DISC1: variants seen among roughly 807,000 people sequenced by gnomAD.
The protein encoded by DISC1 is disrupted in schizophrenia 1 protein.
In DISC1, 57 loss-of-function variants were observed where a neutral mutation model predicts 84.5. The ratio of observed to expected loss-of-function variants is 0.67; its 90% CI spans 0.55 to 0.84. DISC1 has a LOEUF of 0.84. Among genes scored for constraint, DISC1 ranks in the 40% least tolerant of loss-of-function variants. The pLI is 0.00. For missense variants in DISC1, 1,000 were observed against 1,057.8 expected (o/e 0.95, Z 0.76); for synonymous variants, 411 against 415.2 (o/e 0.99, Z 0.12).
intron 1 of DISC1, among the ~76,000 whole-genome samples, chr1:231,666,923 C>T (rs1018094710): frequency 1.3e-5 from 2 of 152,132 alleles, no homozygotes; most frequent in Admixed American, 1.3e-4. Context: ...AATGGCAGTG[C>T]CTCAAACCCT....
At chr1:231,732,261 C>T (rs972994071) in intron 3 of DISC1, among the ~76,000 whole-genome samples, 1 of 152,178 alleles carries the variant, frequency 6.6e-6, no homozygotes, top group Non-Finnish European at 1.5e-5. Flanking sequence ...GTTTCTCATA[C>T]ATCGCATCAT....
At position 231,770,798 on chromosome 1, in the gene DISC1, G is replaced by T. The variant is rs527456064; in HGVS notation, c.1399-37G>T. 8.1e-6 allele frequency: 13 copies of T among 1,601,604 alleles called. No individual in the cohort carries two copies. The East Asian group carries it at 2.5e-4, about 30-fold the overall frequency. On this transcript the variant is annotated intron_variant, in intron 5 of 12. Transcript: ENST00000439617. ...CTCAGAGCAGTTTGCCATGAGCAGG[G>T]TTAATTTATAAAATCTTGTCTCCTC...
intron 1 of DISC1, among the ~76,000 whole-genome samples, chr1:231,670,328 A>G (rs1290165621): frequency 6.6e-6 from 1 of 152,184 alleles, no homozygotes; most frequent in African/African-American, 2.4e-5. Flanking sequence ...GTTTACCTAC[A>G]TGCCCCTGAA....
rs540640433 is a variant in DISC1 at position 231,934,107 on chromosome 1, T to C, written c.1982-24721T>C. On this transcript the variant is annotated intron_variant, in intron 9 of 12. Coordinates refer to ENST00000439617, the MANE Select transcript of DISC1 (RefSeq NM_018662.3). Reference sequence around the variant, plus strand: ...AAGGAAGGGCAGAGGGAGTCAACAATGAAGAAAGTGGGAAGAGGGAGGGAG... The same window carrying C: ...AAGGAAGGGCAGAGGGAGTCAACAACGAAGAAAGTGGGAAGAGGGAGGGAG... 3.3e-5 allele frequency among the ~76,000 whole-genome samples: 5 copies of C among 152,028 alleles called. No individual in the cohort carries two copies. In the South Asian group the frequency reaches 8.3e-4, roughly 25 times the overall value.
chr1:231,975,974 C>A (rs1210326996), intron 10 of DISC1, among the ~76,000 whole-genome samples: 1 of 152,172 alleles, frequency 6.6e-6, no homozygotes, highest in Admixed American at 6.5e-5. Flanking sequence ...TACATTTATT[C>A]AAATAGAAAA....
rs538943957 is a variant in DISC1, at chr1:231,855,374, C to G, written c.1981+36857C>G. 3 of 984,364 alleles carry G rather than the reference C, an allele frequency of 3.0e-6. No homozygotes were observed. In the East Asian group the frequency reaches 3.4e-4, roughly 112 times the overall value. 61.0% of individuals were successfully genotyped at this position (984,364 alleles called of 1,614,324 possible). A position where few individuals can be genotyped will look rare whatever the true frequency, so the allele number is the denominator to read the frequency against. On this transcript the variant is annotated intron_variant, in intron 9 of 12. Coordinates refer to ENST00000439617, the MANE Select transcript of DISC1 (RefSeq NM_018662.3). Reference sequence around the variant, plus strand: ...ACATTAAAAAGACAAAAATAACTTTCCATAAATGAGCTCAAGTTATTTCAT... The same window carrying G: ...ACATTAAAAAGACAAAAATAACTTTGCATAAATGAGCTCAAGTTATTTCAT...
At position 231,639,127 on chromosome 1, in the gene DISC1, C is replaced by T. The variant is rs116628278; in HGVS notation, c.67+12193C>T. Among the ~76,000 whole-genome samples, 956 of 152,148 alleles carry T rather than the reference C, an allele frequency of 6.3e-3. 8 individuals carry two copies. The highest frequency in any genetic ancestry group is 0.022 in the African/African-American group (909 of 41,516). On this transcript the variant is annotated intron_variant, in intron 1 of 12. Coordinates refer to ENST00000439617, the MANE Select transcript of DISC1 (RefSeq NM_018662.3). ...ACATCACAGGGAGAGGATTAGGTAA[C>T]GGTTGGGTTAGAAAGAGGAGCACAA...
At chr1:232,014,777 G>A (rs377452020) in intron 11 of DISC1, among the ~76,000 whole-genome samples, 2 of 152,134 alleles carry the variant, frequency 1.3e-5, no homozygotes, top group East Asian at 3.8e-4. Context: ...AAGTGGGCTG[G>A]AAACGTTAAG....
intron 9 of DISC1, among the ~76,000 whole-genome samples, chr1:231,876,611 G>A (rs1221074816): frequency 2.0e-5 from 3 of 152,146 alleles, no homozygotes; most frequent in Non-Finnish European, 2.9e-5. Context: ...CCACTGACCC[G>A]TGATAGTTGC....
chr1:231,978,286 A>T (rs1663100995), intron 10 of DISC1, among the ~76,000 whole-genome samples: 1 of 152,160 alleles, frequency 6.6e-6, no homozygotes, highest in African/African-American at 2.4e-5. Flanking sequence ...TCCTTCTTGT[A>T]TCAAATTCCC....
rs78488781 is a variant in DISC1, at chr1:231,949,525, T to G, written c.1982-9303T>G. 7.6e-3 allele frequency among the ~76,000 whole-genome samples: 1,159 copies of G among 152,198 alleles called. 19 individuals carry two copies. Among genetic ancestry groups the G allele is most frequent in the African/African-American group, 0.026 (1,066 of 41,524 alleles). On this transcript the variant is annotated intron_variant, in intron 9 of 12. Transcript: ENST00000439617. ...CCAATTTGGCCTTTTTCCTGCCAAA[T>G]CCATTTGGCATAAGGAGCAGGCAGT...
At chr1:231,939,593 A>G (rs1029926517) in intron 9 of DISC1, among the ~76,000 whole-genome samples, 19 of 151,718 alleles carry the variant, frequency 1.3e-4, no homozygotes, top group African/African-American at 4.4e-4. Context: ...CTCCCCTCTC[A>G]TCCTCTCTTG....
chr1:232,034,910 G>A (rs1456750502), intron 12 of DISC1, among the ~76,000 whole-genome samples: 2 of 147,224 alleles, frequency 1.4e-5, no homozygotes, highest in African/African-American at 5.1e-5. Context: ...AAAAAAAAAA[G>A]AAAGAAAGGT....
chr1:231,870,488 G>T (rs181210661), intron 9 of DISC1, among the ~76,000 whole-genome samples: 9 of 152,182 alleles, frequency 5.9e-5, no homozygotes, highest in Non-Finnish European at 1.3e-4. Flanking sequence ...TGTGACCTAC[G>T]TCTCTGAGCG....
At chr1:231,718,540 G>A (rs1475054143) in intron 3 of DISC1, among the ~76,000 whole-genome samples, 1 of 151,462 alleles carries the variant, frequency 6.6e-6, no homozygotes, top group Admixed American at 6.6e-5. Flanking sequence ...GGGTTCAAGC[G>A]ATTATCCTGC....
chr1:231,677,232 C>T (rs150519279), intron 1 of DISC1, among the ~76,000 whole-genome samples: 12 of 152,264 alleles, frequency 7.9e-5, no homozygotes, highest in African/African-American at 2.9e-4. Flanking sequence ...CTCTTTACTG[C>T]ATTTTACTGT....
intron 1 of DISC1, 96 bp from the exon 2 acceptor site, chr1:231,693,730 G>A: frequency 1.3e-6 from 2 of 1,586,536 alleles, no homozygotes; most frequent in Non-Finnish European, 8.6e-7. Flanking sequence ...TGTACTGAGA[G>A]ATGACCTTTA....
chr1:231,830,679 G>T (rs1288965405), intron 9 of DISC1, among the ~76,000 whole-genome samples: 1 of 152,174 alleles, frequency 6.6e-6, no homozygotes, highest in African/African-American at 2.4e-5. Context: ...GTCCAAGTTG[G>T]TCTGGTGTCT....
At position 231,818,569 on chromosome 1, in the gene DISC1, T is replaced by C. The variant is rs574178027; in HGVS notation, c.1981+52T>C. ...CAAGATATTGATGATATTTGTTGTGTTTTGTGGCCAGGCAGAATGTTCTGT... is the reference window on the plus strand; with the variant it reads ...CAAGATATTGATGATATTTGTTGTGCTTTGTGGCCAGGCAGAATGTTCTGT... On this transcript the variant is annotated intron_variant, in intron 9 of 12. Transcript: ENST00000439617. The C allele has an allele frequency of 4.3e-6, 7 of 1,609,560 alleles. No individual in the cohort carries two copies. The African/African-American group carries it at 8.0e-5, about 18-fold the overall frequency.
Sources: gnomAD v4.1 joint callset for allele counts (sites outside exome capture counted in the v4.1 genomes callset) on GRCh38, gnomAD v4.1.1 for gene constraint, MANE v1.5 for transcripts, NCBI Gene and HGNC (gene_info 2026-07-23, HGNC 2026-07-21) for gene names.